The following EPHB2 variants were observed in gnomAD, a reference collection of about 807,000 sequenced individuals.
EPHB2 encodes ephrin type-B receptor 2.
Under a neutral mutation model 96.4 loss-of-function variants are expected in EPHB2, and 18 were observed. That is an observed-to-expected ratio of 0.19 (90% CI 0.13 to 0.28). The LOEUF (loss-of-function observed/expected upper bound fraction) is 0.28. EPHB2 is among the 10% of genes least tolerant of loss of function. The pLI, the probability that EPHB2 is intolerant of heterozygous loss-of-function variation, is 1.00. For missense variants in EPHB2, 989 were observed against 1,355.4 expected, an observed-to-expected ratio of 0.73 and a Z score of 4.25; for synonymous variants, 506 against 534.1, an observed-to-expected ratio of 0.95 and a Z score of 0.72.
intron 3 of EPHB2, among the ~76,000 whole-genome samples, chr1:22,788,057 G>A (rs184426698): frequency 4.5e-3 from 678 of 152,284 alleles, no homozygotes; most frequent in Non-Finnish European, 5.8e-3. Flanking sequence ...ACCTAATCCA[G>A]AAGTGACATC....
Position 22,910,586 on chromosome 1 carries a change from A to ACCCTGGCCCTGCCCCAGCCAGG in EPHB2, c.2696+17_2696+38dup, listed in dbSNP as rs369907238. On this transcript the variant is annotated intron_variant, in intron 14 of 15. Coordinates refer to ENST00000374630, the MANE Select transcript of EPHB2 (RefSeq NM_017449.5). Reference sequence around the variant, plus strand: ...GCCCCTCTCCTCTGGGTAAGGCCCCACCCTGGCCCTGCCCCAGCCAGGCCC... The same window carrying ACCCTGGCCCTGCCCCAGCCAGG: ...GCCCCTCTCCTCTGGGTAAGGCCCCACCCTGGCCCTGCCCCAGCCAGGCCCTGGCCCTGCCCCAGCCAGGCCC... 21,417 of 1,605,606 alleles carry ACCCTGGCCCTGCCCCAGCCAGG rather than the reference A, an allele frequency of 0.013. 2,275 individuals are homozygous for ACCCTGGCCCTGCCCCAGCCAGG. The African/African-American group carries it at 0.26, about 20-fold the overall frequency.
chr1:22,758,206 C>T (rs1644182867), intron 1 of EPHB2, among the ~76,000 whole-genome samples: 1 of 151,510 alleles, frequency 6.6e-6, no homozygotes, highest in Non-Finnish European at 1.5e-5. Flanking sequence ...GCGTGAGCCA[C>T]CGCGCCCGGC....
intron 1 of EPHB2, among the ~76,000 whole-genome samples, chr1:22,730,053 G>A (rs1042346559): frequency 1.3e-5 from 2 of 152,240 alleles, no homozygotes; most frequent in Non-Finnish European, 2.9e-5. Flanking sequence ...GCAGGGGCTT[G>A]GCACAGGGCC....
chr1:22,847,983 C>T (rs964448265), intron 3 of EPHB2, among the ~76,000 whole-genome samples: 2 of 152,240 alleles, frequency 1.3e-5, no homozygotes, highest in African/African-American at 4.8e-5. Context: ...CCCTGCTAGA[C>T]GGTGAGCCTC....
intron 9 of EPHB2, among the ~76,000 whole-genome samples, chr1:22,903,034 G>C (rs1231324503): frequency 6.6e-6 from 1 of 152,232 alleles, no homozygotes; most frequent in Admixed American, 6.5e-5. Context: ...TAAGTCCTGT[G>C]AGCAGGCATC....
At chr1:22,775,700 C>G (rs567856788) in intron 1 of EPHB2, among the ~76,000 whole-genome samples, 1 of 152,252 alleles carries the variant, frequency 6.6e-6, no homozygotes, top group African/African-American at 2.4e-5. Context: ...CTCCTGATTG[C>G]TTTCTTCTGT....
At position 22,915,528 on chromosome 1, in the gene EPHB2, A is replaced by G. The variant is rs1640243176; in HGVS notation, c.*1958A>G. ...TTGTCAAAAGCACAGGCAACAAAGG[A>G]AGTGAGTTGGAAGTGGCTCAGAACT... On this transcript the variant is annotated 3_prime_UTR_variant, in exon 16 of 16. Transcript: ENST00000374630. 1 of 152,120 alleles carries G rather than the reference A, an allele frequency of 6.6e-6. No homozygotes were observed. Among genetic ancestry groups the G allele is most frequent in the African/African-American group, 2.4e-5 (1 of 41,418 alleles). The allele number at this position is 152,120 out of a possible 1,614,324, so 9.4% of individuals were successfully genotyped here. A position where few individuals can be genotyped will look rare whatever the true frequency, so the allele number is the denominator to read the frequency against.
chr1:22,882,602 C>T (rs1381984484), intron 6 of EPHB2, 119 bp downstream of exon 6: 4 of 1,519,506 alleles, frequency 2.6e-6, no homozygotes, highest in African/African-American at 1.4e-5. Context: ...GCAGAAAGAG[C>T]ACTGGCCTTG....
chr1:22,855,566 G>C (rs943278630), intron 3 of EPHB2, among the ~76,000 whole-genome samples: 1 of 152,194 alleles, frequency 6.6e-6, no homozygotes, highest in South Asian at 2.1e-4. Context: ...ACAACTCACT[G>C]TCTCCCTAAC....
At chr1:22,774,099 G>T (rs989519881) in intron 1 of EPHB2, among the ~76,000 whole-genome samples, 3 of 151,962 alleles carry the variant, frequency 2.0e-5, no homozygotes, top group African/African-American at 7.3e-5. Context: ...GATTCTGCTG[G>T]GCCCTGTATG....
intron 3 of EPHB2, among the ~76,000 whole-genome samples, chr1:22,802,353 C>A (rs1466071212): frequency 3.9e-5 from 6 of 151,988 alleles, no homozygotes; most frequent in African/African-American, 1.5e-4. Flanking sequence ...GATTGGATTG[C>A]AGGGGTGGGT....
intron 3 of EPHB2, among the ~76,000 whole-genome samples, chr1:22,850,223 A>G (rs954967675): frequency 2.0e-5 from 3 of 152,172 alleles, no homozygotes; most frequent in Non-Finnish European, 4.4e-5. Context: ...AGGCTCCCCA[A>G]ATCCCAGCAG....
At chr1:22,880,886 A>C (rs1639019579) in intron 5 of EPHB2, among the ~76,000 whole-genome samples, 1 of 152,218 alleles carries the variant, frequency 6.6e-6, no homozygotes, top group African/African-American at 2.4e-5. Context: ...AGGACTCAAG[A>C]ACAGGCTGTG....
At chr1:22,732,098 T>C (rs1297144773) in intron 1 of EPHB2, among the ~76,000 whole-genome samples, 1 of 152,214 alleles carries the variant, frequency 6.6e-6, no homozygotes, top group African/African-American at 2.4e-5. Context: ...TGACCTCAGC[T>C]TGGGAGCACA....
intron 1 of EPHB2, among the ~76,000 whole-genome samples, chr1:22,711,601 G>C (rs1030632708): frequency 2.0e-5 from 3 of 151,816 alleles, no homozygotes; most frequent in Non-Finnish European, 4.4e-5. Context: ...CCCCCGCGTC[G>C]GTGCCTGCCC....
Position 22,790,405 on chromosome 1 carries a change from C to G in EPHB2, c.811+5329C>G, listed in dbSNP as rs748282928. On this transcript the variant is annotated intron_variant, in intron 3 of 15. Coordinates refer to ENST00000374630, the MANE Select transcript of EPHB2 (RefSeq NM_017449.5). This position sits in a 1 kb window ranked among gnomAD's most constrained non-coding sequence, Gnocchi z 4.0. Reference sequence around the variant, plus strand: ...CTGTTCCCTCCCCAACCCCAGTCCCCGCTGGGGCTTCCTGCCAGCAGGTCT... The same window carrying G: ...CTGTTCCCTCCCCAACCCCAGTCCCGGCTGGGGCTTCCTGCCAGCAGGTCT... 6.6e-6 allele frequency among the ~76,000 whole-genome samples: 1 copy of G among 152,178 alleles called. No individual in the cohort carries two copies. Among genetic ancestry groups the G allele is most frequent in the Non-Finnish European group, 1.5e-5 (1 of 68,028 alleles).
chr1:22,741,123 C>T (rs1003536951), intron 1 of EPHB2, among the ~76,000 whole-genome samples: 2 of 152,084 alleles, frequency 1.3e-5, no homozygotes, highest in Non-Finnish European at 2.9e-5. Flanking sequence ...TGGAGACCAC[C>T]CCTGCCCCGA....
At chr1:22,833,570 G>A (rs1032076876) in intron 3 of EPHB2, among the ~76,000 whole-genome samples, 8 of 152,184 alleles carry the variant, frequency 5.3e-5, no homozygotes, top group African/African-American at 1.9e-4. Flanking sequence ...AGGCCAATGT[G>A]AGTGTTAAAA....
intron 1 of EPHB2, among the ~76,000 whole-genome samples, chr1:22,735,889 T>A (rs1643816173): frequency 6.6e-6 from 1 of 152,206 alleles, no homozygotes; most frequent in South Asian, 2.1e-4. Flanking sequence ...AGCCCCTGCC[T>A]GTGCACCCCT....
Sources: allele counts gnomAD v4.1 joint callset (sites outside exome capture counted in the v4.1 genomes callset), GRCh38; gene constraint gnomAD v4.1.1; non-coding constraint Gnocchi (gnomAD v3.1); transcripts MANE v1.5; gene names NCBI Gene and HGNC (gene_info 2026-07-23, HGNC 2026-07-21).